Variants in SORD observed in about 807,000 individuals in gnomAD.
SORD encodes the protein (R,R)-butanediol dehydrogenase.
In SORD, 18 loss-of-function variants were observed where a neutral mutation model predicts 35.6. The observed-to-expected ratio is 0.51, with a 90% CI of 0.35 to 0.75. SORD has a LOEUF of 0.75. SORD is among the 30% of genes least tolerant of loss of function. The pLI is 0.01. For synonymous variants in SORD, 106 were observed against 152.9 expected, an observed-to-expected ratio of 0.69 and a Z score of 2.26; for missense variants, 250 against 390.2, an observed-to-expected ratio of 0.64 and a Z score of 3.03.
intron 3 of SORD, among the ~76,000 whole-genome samples, chr15:45,059,819 T>G (rs534187984): frequency 1.1e-4 from 17 of 152,156 alleles, no homozygotes; most frequent in East Asian, 7.7e-4. Context: ...CACAACAACA[T>G]AGATCAATCT....
intron 4 of SORD, among the ~76,000 whole-genome samples, chr15:45,062,129 G>A (rs1893323764): frequency 8.2e-6 from 1 of 122,354 alleles, no homozygotes; most frequent in Non-Finnish European, 1.5e-5. Context: ...GCTAATAAGT[G>A]GTTTGCATGC....
chr15:45,038,131 CCTTCCTT>C (rs1566958473), intron 1 of SORD, among the ~76,000 whole-genome samples: 9 of 13,356 alleles, frequency 6.7e-4, no homozygotes, highest in Non-Finnish European at 9.3e-4. Flanking sequence ...ATCCTCCCTT[CCTTCCTT>C]CCTTCCTTCC....
At chr15:45,070,519 G>C (rs536597867) in intron 7 of SORD, 2 of 153,324 alleles carry the variant, frequency 1.3e-5, no homozygotes, top group Admixed American at 1.3e-4. Flanking sequence ...CACCTTGGCA[G>C]TGTCGTGAGT....
At chr15:45,040,553 TC>T in intron 2 of SORD, 112 bp downstream of exon 2, 1 of 845,834 alleles carries the variant, frequency 1.2e-6, no homozygotes, top group Non-Finnish European at 2.0e-6. Context: ...TACTTTTGCA[TC>T]CATTAAAAAC....
At chr15:45,060,188 A>C (rs538175096) in intron 3 of SORD, among the ~76,000 whole-genome samples, 33 of 152,298 alleles carry the variant, frequency 2.2e-4, no homozygotes, top group African/African-American at 4.8e-4. Flanking sequence ...AAAAGAAGAT[A>C]GACTGATGGA....
chr15:45,038,663 T>C (rs1227638299), intron 1 of SORD, among the ~76,000 whole-genome samples: 1 of 152,206 alleles, frequency 6.6e-6, no homozygotes, highest in African/African-American at 2.4e-5. Context: ...ATGGAAGGCA[T>C]GGTCTTTGGC....
At chr15:45,026,839 C>T (rs1200206902) in intron 1 of SORD, among the ~76,000 whole-genome samples, 1 of 152,068 alleles carries the variant, frequency 6.6e-6, no homozygotes, top group East Asian at 1.9e-4. Context: ...AACCAGCCAG[C>T]GTCTGGGGCA....
At chr15:45,071,431 G>T (rs1375890876) in intron 7 of SORD, among the ~76,000 whole-genome samples, 2 of 152,140 alleles carry the variant, frequency 1.3e-5, no homozygotes, top group African/African-American at 2.4e-5. Context: ...TCTCCATGGT[G>T]TATCCATCTC....
intron 1 of SORD, among the ~76,000 whole-genome samples, chr15:45,030,702 A>G (rs1331653674): frequency 6.6e-6 from 1 of 152,274 alleles, no homozygotes; most frequent in Admixed American, 6.5e-5. Context: ...TTAGGAGGAA[A>G]TTTTAATATA....
At chr15:45,039,221 T>C (rs751794279) in intron 1 of SORD, among the ~76,000 whole-genome samples, 1 of 151,950 alleles carries the variant, frequency 6.6e-6, no homozygotes, top group East Asian at 1.9e-4. Context: ...CTCCATCTCC[T>C]GGGTTCAAGC....
intron 4 of SORD, 62 bp downstream of exon 4, chr15:45,061,288 G>T: frequency 2.0e-6 from 3 of 1,538,266 alleles, no homozygotes; most frequent in Middle Eastern, 1.7e-4. Context: ...GCTTGGTGCT[G>T]TTTCCTGTGG....
At chr15:45,057,219 T>C (rs963205975) in intron 3 of SORD, among the ~76,000 whole-genome samples, 3 of 152,266 alleles carry the variant, frequency 2.0e-5, no homozygotes, top group Non-Finnish European at 2.9e-5. Flanking sequence ...TCATTACTTA[T>C]GTATATCAAG....
At chr15:45,057,863 ATT>A (rs1893242120) in intron 3 of SORD, among the ~76,000 whole-genome samples, 2 of 152,216 alleles carry the variant, frequency 1.3e-5, no homozygotes, top group Non-Finnish European at 2.9e-5. Flanking sequence ...AGAGGAGGGT[ATT>A]CACTGAGGGT....
Position 45,059,058 on chromosome 15 carries a change from T to C in SORD, c.266-2009T>C, listed in dbSNP as rs1310804913. Reference sequence around the variant, plus strand: ...TACACAGAGAACCAAGGCATTTCTATGTTGGGCCTCACTCCCTTATCTGTG... The same window carrying C: ...TACACAGAGAACCAAGGCATTTCTACGTTGGGCCTCACTCCCTTATCTGTG... On this transcript the variant is annotated intron_variant, in intron 3 of 8. Coordinates refer to ENST00000267814, the MANE Select transcript of SORD (RefSeq NM_003104.6). Among the ~76,000 whole-genome samples the C allele has an allele frequency of 3.3e-5, 5 of 152,172 alleles. 1 individual carries two copies. The highest frequency in any genetic ancestry group is 7.3e-5 in the Non-Finnish European group (5 of 68,030).
chr15:45,027,415 C>G (rs1259315117), intron 1 of SORD, among the ~76,000 whole-genome samples: 1 of 152,254 alleles, frequency 6.6e-6, no homozygotes, highest in African/African-American at 2.4e-5. Context: ...TAGTATTCAT[C>G]TTTGGTTGTA....
At chr15:45,066,120 C>T (rs186883667) in intron 5 of SORD, among the ~76,000 whole-genome samples, 1 of 151,320 alleles carries the variant, frequency 6.6e-6, no homozygotes, top group African/African-American at 2.4e-5. Flanking sequence ...GGTGCACCCC[C>T]TGTAGTCCCA....
At chr15:45,056,490 T>C (rs1440169889) in intron 3 of SORD, among the ~76,000 whole-genome samples, 1 of 152,168 alleles carries the variant, frequency 6.6e-6, no homozygotes, top group African/African-American at 2.4e-5. Flanking sequence ...TAAAAGAGGA[T>C]ACAAAGCAAT....
intron 2 of SORD, among the ~76,000 whole-genome samples, chr15:45,040,717 G>A (rs888878048): frequency 2.0e-5 from 3 of 152,214 alleles, no homozygotes; most frequent in African/African-American, 7.2e-5. Flanking sequence ...AGTTTTTGAT[G>A]TGAAGTATAT....
chr15:45,059,105 G>C, intron 3 of SORD, among the ~76,000 whole-genome samples: 1 of 152,130 alleles, frequency 6.6e-6, no homozygotes, highest in Non-Finnish European at 1.5e-5. Context: ...ATTTTTCCAA[G>C]CTGCTCTTTA....
Sources: allele counts gnomAD v4.1 joint callset (sites outside exome capture counted in the v4.1 genomes callset), GRCh38; gene constraint gnomAD v4.1.1; transcripts MANE v1.5; gene names NCBI Gene and HGNC (gene_info 2026-07-23, HGNC 2026-07-21).